PML: variants seen among roughly 807,000 people sequenced by gnomAD.
PML encodes protein PML.
In PML, 28 loss-of-function variants were observed where a neutral mutation model predicts 65.2. The observed-to-expected ratio is 0.43, with a 90% CI of 0.32 to 0.59. PML has a LOEUF of 0.59. Among genes scored for constraint, PML ranks in the 20% least tolerant of loss-of-function variants. PML has a pLI of 0.08. For missense variants in PML, 1,021 were observed against 1,203.4 expected (o/e 0.85, Z 2.24); for synonymous variants, 500 against 508.8 (o/e 0.98, Z 0.23).
Position 74,032,675 on chromosome 15 carries a change from C to T in PML, c.1358C>T (p.Pro453Leu). Residue 453 changes from proline to leucine, a missense_variant, in exon 5 of 9, where the codon CCA becomes CTA. Pro to Leu is a moderately conservative substitution (Grantham distance 98, BLOSUM62 -3). Transcript: ENST00000268058. ...TCAGTGCCCGGGGCACACCCCGTGC[C>T]AGTGTACGCCTTCTCCATCAAAGGC... is the stretch of plus-strand genomic sequence containing the variant. ...VQSVPGAHPV[P>L]VYAFSIKGPS... 3 of 1,614,154 alleles carry T rather than the reference C, an allele frequency of 1.9e-6. No individual in the cohort carries two copies. The highest frequency in any genetic ancestry group is 2.5e-6 in the Non-Finnish European group (3 of 1,179,968).
chr15:74,014,531 A>G (rs1349993590), intron 2 of PML, among the ~76,000 whole-genome samples: 1 of 151,772 alleles, frequency 6.6e-6, no homozygotes, highest in Non-Finnish European at 1.5e-5. Flanking sequence ...CGGGAGGCCG[A>G]GGCGGGTGGA....
In PML at chr15:74,021,731, C is replaced by A. The variant is rs373019038; in HGVS notation, c.603-1097C>A. On this transcript the variant is annotated intron_variant, in intron 2 of 8. Coordinates refer to ENST00000268058, the MANE Select transcript of PML (RefSeq NM_033238.3). ...TACTAAAGTGTTGTCCATATTGGCACCAAAAGAAAAAAAAAAGGAAAGGAA... is the reference window on the plus strand; with the variant it reads ...TACTAAAGTGTTGTCCATATTGGCAACAAAAGAAAAAAAAAAGGAAAGGAA... Among the ~76,000 whole-genome samples, 4 of 150,004 alleles carry A rather than the reference C, an allele frequency of 2.7e-5. No individual in the cohort carries two copies. The South Asian group carries it at 8.4e-4, about 32-fold the overall frequency.
intron 2 of PML, among the ~76,000 whole-genome samples, chr15:74,000,100 G>T (rs987773841): frequency 6.6e-6 from 1 of 151,810 alleles, no homozygotes; most frequent in African/African-American, 2.4e-5. Context: ...CAAAGTTCTG[G>T]GATTACAGGC....
chr15:74,037,989 C>CA lies in PML; in HGVS notation c.1710+3460dup, dbSNP rs1417141462. ...AACTCAGCACCTTCTCCTCCCGTCTCACTGGCTCGCCCCACTCTCTGCCCG... is the reference window on the plus strand; with the variant it reads ...AACTCAGCACCTTCTCCTCCCGTCTCAACTGGCTCGCCCCACTCTCTGCCCG... On this transcript the variant is annotated intron_variant, in intron 7 of 8. Transcript: ENST00000268058. The surrounding 1 kb of genome is among the most constrained non-coding windows in gnomAD (Gnocchi z 4.2). 1.3e-5 allele frequency among the ~76,000 whole-genome samples: 2 copies of CA among 152,190 alleles called. No individual in the cohort carries two copies. The highest frequency in any genetic ancestry group is 2.9e-5 in the Non-Finnish European group (2 of 68,046).
Position 74,035,557 on chromosome 15 carries a change from C to T in PML, c.1710+1027C>T. ...GTCCAAGCCAGCACTCCTGCCATCA[C>T]AGGGCCCCTCAACCATCCTGCCAAT... On this transcript the variant is annotated intron_variant, in intron 7 of 8. Coordinates refer to ENST00000268058, the MANE Select transcript of PML (RefSeq NM_033238.3). The surrounding 1 kb of genome is among the most constrained non-coding windows in gnomAD (Gnocchi z 4.1). The T allele has an allele frequency of 6.2e-7, 1 of 1,610,848 alleles. No individual in the cohort carries two copies. Among genetic ancestry groups the T allele is most frequent in the East Asian group, 2.2e-5 (1 of 44,832 alleles).
chr15:74,044,480 C>A lies in PML; in HGVS notation c.2121C>A (p.Phe707Leu). The change falls in exon 9 of 9, where the codon TTC becomes TTA. Residue 707 changes from phenylalanine (F) to leucine (L), a missense_variant. By Grantham distance (22) the Phe-to-Leu change is conservative. Coordinates refer to ENST00000268058, the MANE Select transcript of PML (RefSeq NM_033238.3). ...LWEFQEAISGFLAALPLIRER... is the reference protein window; with the variant it reads ...LWEFQEAISGLLAALPLIRER... The stretch of plus-strand genomic sequence containing the variant: ...AATTCCAGGAGGCCATCTCGGGCTT[C>A]CTGGCTGCCCTGCCTCTCATCCGGG... The A allele has an allele frequency of 6.2e-7, 1 of 1,614,072 alleles. No homozygotes were observed. The highest frequency in any genetic ancestry group is 1.1e-5 in the South Asian group (1 of 91,088).
At chr15:74,034,419 C>T (rs944474180) in intron 6 of PML, 59 bp from the exon 7 acceptor site, 7 of 1,613,380 alleles carry the variant, frequency 4.3e-6, no homozygotes, top group Non-Finnish European at 5.9e-6. Context: ...TGCACACCCA[C>T]ACCCCTCCCA....
rs1310521625 is a variant in PML at position 74,032,628 on chromosome 15, C to T, written c.1311C>T (p.Ala437=). The T allele has an allele frequency of 3.1e-6, 5 of 1,614,012 alleles. No homozygotes were observed. Among genetic ancestry groups the T allele is most frequent in the Non-Finnish European group, 4.2e-6 (5 of 1,179,946 alleles). Residue 437 remains alanine, a synonymous_variant, in exon 5 of 9, where the codon GCC becomes GCT. Coordinates refer to ENST00000268058, the MANE Select transcript of PML (RefSeq NM_033238.3). ...TTCAGGCCCTGGGGCTGGCTGAAGCCCAGCCTATGGCTGTGGTACAGTCAG... is the reference window on the plus strand; with the variant it reads ...TTCAGGCCCTGGGGCTGGCTGAAGCTCAGCCTATGGCTGTGGTACAGTCAG... ...AQVQALGLAE[A]QPMAVVQSVP... is the part of the protein sequence containing the mutation.
chr15:74,014,312 A>C lies in PML; in HGVS notation c.603-8516A>C, dbSNP rs200589411. 1.8e-4 allele frequency among the ~76,000 whole-genome samples: 27 copies of C among 152,174 alleles called. No individual in the cohort carries two copies. In the East Asian group the frequency reaches 4.7e-3, roughly 26 times the overall value. ...CTTTACACCCTTGCCGCATGCCTAG[A>C]CCTAGTTGGTACTTAGTAATTTTGG... is the stretch of plus-strand genomic sequence containing the variant. On this transcript the variant is annotated intron_variant, in intron 2 of 8. Transcript: ENST00000268058.
At chr15:74,014,522 G>A (rs1202842640) in intron 2 of PML, among the ~76,000 whole-genome samples, 2 of 151,828 alleles carry the variant, frequency 1.3e-5, no homozygotes, top group Non-Finnish European at 2.9e-5. Context: ...TATTAGAGAC[G>A]GGAGGCCGAG....
rs1190955583 is a variant in PML at position 74,047,438 on chromosome 15, C to T, written c.*2430C>T. The T allele has an allele frequency of 4.4e-6, 1 of 228,994 alleles. No individual in the cohort carries two copies. The highest frequency in any genetic ancestry group is 8.7e-6 in the Non-Finnish European group (1 of 115,430). 14.2% of individuals were successfully genotyped at this position (228,994 alleles called of 1,614,324 possible). A position where few individuals can be genotyped will look rare whatever the true frequency, so the allele number is the denominator to read the frequency against. ...CAGTCCTGGAGTTTTATTCTCTCAG[C>T]TTGATCCTTTGACCAAGAAGATCCA... On this transcript the variant is annotated 3_prime_UTR_variant, in exon 9 of 9. Coordinates refer to ENST00000268058, the MANE Select transcript of PML (RefSeq NM_033238.3).
intron 2 of PML, among the ~76,000 whole-genome samples, chr15:74,006,521 G>A (rs554533780): frequency 6.6e-6 from 1 of 152,176 alleles, no homozygotes; most frequent in African/African-American, 2.4e-5. Flanking sequence ...TCAAAGCGTT[G>A]GTTAGAACTT....
chr15:74,018,237 C>T (rs941898083), intron 2 of PML, among the ~76,000 whole-genome samples: 3 of 150,320 alleles, frequency 2.0e-5, no homozygotes, highest in Non-Finnish European at 2.9e-5. Flanking sequence ...GCACAAGAAT[C>T]ACTTGAACCA....
chr15:74,002,950 A>T (rs1309697862), intron 2 of PML, among the ~76,000 whole-genome samples: 6 of 148,544 alleles, frequency 4.0e-5, no homozygotes, highest in African/African-American at 1.2e-4. Flanking sequence ...ATATGGTGAA[A>T]CCCCGTCTCT....
At position 74,032,463 on chromosome 15, in the gene PML, G is replaced by C. The variant is rs115343446; in HGVS notation, c.1255-109G>C. ...TCGGAGCTTTGAGTCAGGGAGCCTG[G>C]ACCTGTGACTTGGTGAGGCCCCAGG... On this transcript the variant is annotated intron_variant, in intron 4 of 8. Coordinates refer to ENST00000268058, the MANE Select transcript of PML (RefSeq NM_033238.3). 591 of 1,163,110 alleles carry C rather than the reference G, an allele frequency of 5.1e-4. 1 individual carries two copies. The African/African-American group carries it at 8.1e-3, about 16-fold the overall frequency. 72.0% of individuals were successfully genotyped at this position (1,163,110 alleles called of 1,614,324 possible). A position where few individuals can be genotyped will look rare whatever the true frequency, so the allele number is the denominator to read the frequency against.
intron 2 of PML, among the ~76,000 whole-genome samples, chr15:74,003,860 AT>A (rs1269324956): frequency 1.3e-5 from 2 of 152,244 alleles, no homozygotes; most frequent in Non-Finnish European, 2.9e-5. Flanking sequence ...TAAAAAAATT[AT>A]TCCAGAGTTT....
intron 4 of PML, among the ~76,000 whole-genome samples, chr15:74,028,792 G>A (rs1262243846): frequency 6.6e-6 from 1 of 152,226 alleles, no homozygotes; most frequent in Non-Finnish European, 1.5e-5. Flanking sequence ...ACTTAGTGCA[G>A]TGTTCTCAGG....
In PML at chr15:74,035,657, C is replaced by T. The variant is rs1184888833; in HGVS notation, c.1710+1127C>T. 11 of 1,613,986 alleles carry T rather than the reference C, an allele frequency of 6.8e-6. No homozygotes were observed. The highest frequency in any genetic ancestry group is 9.3e-6 in the Non-Finnish European group (11 of 1,180,044). Reference sequence around the variant, plus strand: ...GGATACGAGGGGCTGTGCGATCCCGCAGCCGCTCCCTCCGGGGCTCCTCCC... The same window carrying T: ...GGATACGAGGGGCTGTGCGATCCCGTAGCCGCTCCCTCCGGGGCTCCTCCC... On this transcript the variant is annotated intron_variant, in intron 7 of 8. Coordinates refer to ENST00000268058, the MANE Select transcript of PML (RefSeq NM_033238.3). The surrounding 1 kb of genome is among the most constrained non-coding windows in gnomAD (Gnocchi z 4.1).
intron 4 of PML, among the ~76,000 whole-genome samples, chr15:74,030,676 A>G (rs937945625): frequency 6.6e-6 from 1 of 152,036 alleles, no homozygotes; most frequent in Non-Finnish European, 1.5e-5. Context: ...ACAAACGAAC[A>G]AAAAACACTA....
Sources: gnomAD v4.1 joint callset for allele counts (sites outside exome capture counted in the v4.1 genomes callset) on GRCh38, gnomAD v4.1.1 for gene constraint, Gnocchi (gnomAD v3.1) non-coding constraint, MANE v1.5 for transcripts, NCBI Gene and HGNC (gene_info 2026-07-23, HGNC 2026-07-21) for gene names.